WWOX: variants seen among roughly 807,000 people sequenced by gnomAD.
The protein encoded by WWOX is WW domain-containing oxidoreductase.
In WWOX, 69 loss-of-function variants were observed where a neutral mutation model predicts 46.2. That is an observed-to-expected ratio of 1.49 (90% CI 1.23 to 1.82). The LOEUF (loss-of-function observed/expected upper bound fraction) is 1.82. Ranked by LOEUF, WWOX falls within the 40% of genes most tolerant of loss-of-function variation. WWOX has a pLI of 0.00. For synonymous variants in WWOX, 359 were observed against 202.6 expected, an observed-to-expected ratio of 1.77 and a Z score of -6.56; for missense variants, 919 against 542.6, an observed-to-expected ratio of 1.69 and a Z score of -6.89.
At chr16:78,179,347 A>G (rs1458599792) in intron 5 of WWOX, among the ~76,000 whole-genome samples, 4 of 152,158 alleles carry the variant, frequency 2.6e-5, no homozygotes, top group African/African-American at 9.6e-5. Context: ...ATTTGGGTAT[A>G]TTGTGGTTGT....
intron 8 of WWOX, among the ~76,000 whole-genome samples, chr16:78,434,600 A>G (rs899817731): frequency 6.6e-6 from 1 of 152,104 alleles, no homozygotes; most frequent in African/African-American, 2.4e-5. Flanking sequence ...CATCATTTGT[A>G]ATCTTTGGGT....
At chr16:78,392,955 C>T (rs1309904331) in intron 6 of WWOX, among the ~76,000 whole-genome samples, 1 of 152,128 alleles carries the variant, frequency 6.6e-6, no homozygotes, top group Non-Finnish European at 1.5e-5. Flanking sequence ...TAGTTCTCCT[C>T]AGAGTTAGCG....
At chr16:78,551,624 G>A (rs1463620260) in intron 8 of WWOX, 1 of 152,248 alleles carries the variant, frequency 6.6e-6, no homozygotes, top group Non-Finnish European at 1.5e-5. Flanking sequence ...CTCGGCGGGA[G>A]GCAGGCACCT....
chr16:78,218,346 C>T (rs1165605230), intron 5 of WWOX, among the ~76,000 whole-genome samples: 1 of 152,088 alleles, frequency 6.6e-6, no homozygotes, highest in South Asian at 2.1e-4. Context: ...TCCAGCCTCC[C>T]AAAGTGCTGG....
Position 78,770,661 on chromosome 16 carries a change from T to TC in WWOX, c.1056+337916dup, listed in dbSNP as rs143000276. On this transcript the variant is annotated intron_variant, in intron 8 of 8. Transcript: ENST00000566780. ...GGAGTGCCGGGAAACTCCCGCCCCCTCCCCCCCTCCCCGAAGTGAACCGCC... is the reference window on the plus strand; with the variant it reads ...GGAGTGCCGGGAAACTCCCGCCCCCTCCCCCCCCTCCCCGAAGTGAACCGCC... Among the ~76,000 whole-genome samples, 497 of 74,750 alleles carry TC rather than the reference T, an allele frequency of 6.6e-3. 11 individuals are homozygous for TC. In the East Asian group the frequency reaches 0.083, roughly 12 times the overall value. The allele number at this position is 74,750 out of a possible 152,430, so 49.0% of individuals were successfully genotyped here.
chr16:78,941,803 A>G (rs2045857286), intron 8 of WWOX, among the ~76,000 whole-genome samples: 1 of 152,218 alleles, frequency 6.6e-6, no homozygotes, highest in South Asian at 2.1e-4. Context: ...GAAGTACTTC[A>G]TGTAAGTCAA....
In WWOX at chr16:79,212,465, C is replaced by G. The variant is rs1030215251; in HGVS notation, c.*669C>G. On this transcript the variant is annotated 3_prime_UTR_variant, in exon 9 of 9. Coordinates refer to ENST00000566780, the MANE Select transcript of WWOX (RefSeq NM_016373.4). ...AGAGATTATAACAAATTTTTCAAAT[C>G]ATTCCTTAGATACCTTGAAAGGCAG... 3 of 241,608 alleles carry G rather than the reference C, an allele frequency of 1.2e-5. No individual in the cohort carries two copies. The highest frequency in any genetic ancestry group is 2.4e-5 in the Non-Finnish European group (3 of 123,290). 15.0% of individuals were successfully genotyped at this position (241,608 alleles called of 1,614,324 possible).
At chr16:78,997,049 C>CA (rs2047004373) in intron 8 of WWOX, among the ~76,000 whole-genome samples, 1 of 152,192 alleles carries the variant, frequency 6.6e-6, no homozygotes. Flanking sequence ...AGTGCTGCCA[C>CA]AGAGCGGCTG....
chr16:78,391,687 A>C (rs925879230), intron 6 of WWOX, among the ~76,000 whole-genome samples: 33 of 152,126 alleles, frequency 2.2e-4, no homozygotes, highest in African/African-American at 8.0e-4. Context: ...GTCTGTACTA[A>C]AAATACAAAA....
intron 8 of WWOX, among the ~76,000 whole-genome samples, chr16:78,563,140 G>A (rs533758600): frequency 2.0e-5 from 3 of 152,156 alleles, no homozygotes; most frequent in Non-Finnish European, 4.4e-5. Flanking sequence ...GCCAAGAGCA[G>A]TGCGATTTCT....
chr16:78,152,169 G>T (rs949448267), intron 4 of WWOX, among the ~76,000 whole-genome samples: 3 of 148,704 alleles, frequency 2.0e-5, no homozygotes, highest in African/African-American at 7.5e-5. Context: ...CAGCCTGGGC[G>T]ACAGAGCGAG....
chr16:78,614,967 T>G (rs1308259107), intron 8 of WWOX, among the ~76,000 whole-genome samples: 1 of 152,132 alleles, frequency 6.6e-6, no homozygotes, highest in Non-Finnish European at 1.5e-5. Flanking sequence ...TGATACATGT[T>G]TAATCACGTT....
chr16:78,954,888 C>T (rs918264570), intron 8 of WWOX, among the ~76,000 whole-genome samples: 1 of 152,096 alleles, frequency 6.6e-6, no homozygotes, highest in Non-Finnish European at 1.5e-5. Context: ...CTCCTGGACT[C>T]AAGAGATCCT....
Position 78,108,429 on chromosome 16 carries a change from CGAG to C in WWOX, c.118_120del (p.Glu40del), listed in dbSNP as rs1301923654. Reference sequence around the variant, plus strand: ...ATTTTTTGTTTTTTAACAGTCACACCGAGGAGAAGACTCAGTGGGAACATCCAA... The same window carrying C: ...ATTTTTTGTTTTTTAACAGTCACACCGAGAAGACTCAGTGGGAACATCCAA... On this transcript the variant is annotated inframe_deletion, in exon 2 of 9. Coordinates refer to ENST00000566780, the MANE Select transcript of WWOX (RefSeq NM_016373.4). 9.3e-6 allele frequency: 15 copies of C among 1,613,094 alleles called. No homozygotes were observed. The highest frequency in any genetic ancestry group is 1.3e-5 in the African/African-American group (1 of 74,610).
At chr16:78,110,339 CAAAAAA>C (rs34862048) in intron 3 of WWOX, among the ~76,000 whole-genome samples, 23 of 85,670 alleles carry the variant, frequency 2.7e-4, no homozygotes, top group Admixed American at 1.5e-3. Flanking sequence ...GACTCCTTCT[CAAAAAA>C]AAAAAAAAAA....
At chr16:78,765,056 G>T (rs976436807) in intron 8 of WWOX, among the ~76,000 whole-genome samples, 7 of 152,206 alleles carry the variant, frequency 4.6e-5, no homozygotes, top group African/African-American at 1.7e-4. Flanking sequence ...CAGTGGAAGG[G>T]AAGTCTCAGC....
intron 5 of WWOX, among the ~76,000 whole-genome samples, chr16:78,173,958 T>TGAGAGA (rs111730428): frequency 6.8e-6 from 1 of 146,096 alleles, no homozygotes. Flanking sequence ...TGAGAGGAAT[T>TGAGAGA]GAGAGAGAGA....
intron 5 of WWOX, chr16:78,278,592 G>C (rs8048830): frequency 6.9e-6 from 11 of 1,597,278 alleles, no homozygotes; most frequent in Non-Finnish European, 9.4e-6. Context: ...TCTTTTGTTT[G>C]TATCTTACAG....
intron 5 of WWOX, among the ~76,000 whole-genome samples, chr16:78,260,746 C>T (rs573367067): frequency 2.7e-5 from 4 of 150,156 alleles, no homozygotes; most frequent in Non-Finnish European, 5.9e-5. Flanking sequence ...TGAACCTAGC[C>T]TGGGCAACAT....
Sources: allele counts gnomAD v4.1 joint callset (sites outside exome capture counted in the v4.1 genomes callset), GRCh38; gene constraint gnomAD v4.1.1; transcripts MANE v1.5; gene names NCBI Gene and HGNC (gene_info 2026-07-23, HGNC 2026-07-21).